The following RAPGEF1 variants were observed in gnomAD, a reference collection of about 807,000 sequenced individuals.
RAPGEF1 encodes the protein CRK SH3-binding GNRP.
In RAPGEF1, 33 loss-of-function variants were observed where a neutral mutation model predicts 143.3. That is an observed-to-expected ratio of 0.23 (90% CI 0.17 to 0.31). The LOEUF is 0.31. RAPGEF1 is among the 10% of genes least tolerant of loss of function. RAPGEF1 has a pLI of 1.00. For synonymous variants in RAPGEF1, 629 were observed against 676.5 expected, an observed-to-expected ratio of 0.93 and a Z score of 1.09; for missense variants, 1,199 against 1,645.4, an observed-to-expected ratio of 0.73 and a Z score of 4.69.
Position 131,703,710 on chromosome 9 carries a change from T to C in RAPGEF1, c.61+36060A>G, listed in dbSNP as rs945288150. 3.9e-5 allele frequency among the ~76,000 whole-genome samples: 6 copies of C among 152,340 alleles called. No homozygotes were observed. In the East Asian group the frequency reaches 1.2e-3, roughly 29 times the overall value. ...CCATAAAAAGCACTCCTATGATCCC[T>C]CAGCTCAGCCAAACCGATGCTGTCT... On this transcript the variant is annotated intron_variant, in intron 1 of 26. Transcript: ENST00000683357.
Position 131,678,461 on chromosome 9 carries a change from T to C in RAPGEF1, c.62-27512A>G, listed in dbSNP as rs142139068. ...TTCACTCTACAAAAAATCAATAGTC[T>C]GATAACTTTATATCAATACACATTT... On this transcript the variant is annotated intron_variant, in intron 1 of 26. Transcript: ENST00000683357. Among the ~76,000 whole-genome samples, 13 of 152,378 alleles carry C rather than the reference T, an allele frequency of 8.5e-5. No homozygotes were observed. The East Asian group carries it at 1.7e-3, about 20-fold the overall frequency.
At chr9:131,630,808 C>T (rs1287982115) in intron 5 of RAPGEF1, among the ~76,000 whole-genome samples, 1 of 151,824 alleles carries the variant, frequency 6.6e-6, no homozygotes, top group Non-Finnish European at 1.5e-5. Flanking sequence ...GGATCCTTGT[C>T]AATGGAGAGG....
intron 1 of RAPGEF1, among the ~76,000 whole-genome samples, chr9:131,715,799 A>G (rs1016163153): frequency 7.1e-6 from 1 of 140,010 alleles, no homozygotes; most frequent in Non-Finnish European, 1.5e-5. Context: ...CGGGAGGTGG[A>G]GGTTGCAGTG....
chr9:131,697,056 G>C (rs1419529027), intron 1 of RAPGEF1, among the ~76,000 whole-genome samples: 1 of 152,126 alleles, frequency 6.6e-6, no homozygotes. Context: ...TAAGTAGCGG[G>C]GCTATTTTCT....
Position 131,646,759 on chromosome 9 carries a change from A to G in RAPGEF1, c.316-3342T>C, listed in dbSNP as rs183958102. 4.6e-5 allele frequency among the ~76,000 whole-genome samples: 7 copies of G among 152,324 alleles called. No homozygotes were observed. In the East Asian group the frequency reaches 1.3e-3, roughly 29 times the overall value. On this transcript the variant is annotated intron_variant, in intron 3 of 26. Transcript: ENST00000683357. ...GGGAGTGAGGGGGAGGGCAAGTCACAATCAGTATAATAAAAAACTAGAATT... is the reference window on the plus strand; with the variant it reads ...GGGAGTGAGGGGGAGGGCAAGTCACGATCAGTATAATAAAAAACTAGAATT...
rs780964452 is a variant in RAPGEF1, at chr9:131,626,333, A to G, written c.1291T>C (p.Leu431=). The G allele has an allele frequency of 1.2e-6, 2 of 1,614,030 alleles. No individual in the cohort carries two copies. Among genetic ancestry groups the G allele is most frequent in the Middle Eastern group, 1.6e-4 (1 of 6,062 alleles). The part of the protein sequence containing the change: ...PQQTAWNLSP[L]PESLGESGSP... ...CCAGACTCCCCCAAAGACTCTGGCAACGGGCTAAGGTTCCAGGCCGTCTGC... is the reference window on the plus strand; with the variant it reads ...CCAGACTCCCCCAAAGACTCTGGCAGCGGGCTAAGGTTCCAGGCCGTCTGC... The change falls in exon 10 of 27, where the codon TTG becomes CTG. Residue 431 remains leucine (L), a synonymous_variant. Coordinates refer to ENST00000683357, the MANE Select transcript of RAPGEF1 (RefSeq NM_001377935.1).
intron 1 of RAPGEF1, among the ~76,000 whole-genome samples, chr9:131,739,555 C>G (rs1837621651): frequency 6.6e-6 from 1 of 150,684 alleles, no homozygotes; most frequent in East Asian, 2.0e-4. Flanking sequence ...CGGCCCGGCC[C>G]CTGGCGCCCC....
chr9:131,588,115 G>C, intron 20 of RAPGEF1, 89 bp from the exon 21 acceptor site: 1 of 1,135,562 alleles, frequency 8.8e-7, no homozygotes, highest in Non-Finnish European at 1.3e-6. Flanking sequence ...CGTCAGAGCA[G>C]GAGAGCCTCT....
chr9:131,625,564 C>G (rs1962751737), intron 10 of RAPGEF1, among the ~76,000 whole-genome samples: 1 of 152,178 alleles, frequency 6.6e-6, no homozygotes, highest in South Asian at 2.1e-4. Context: ...CCACCTCGCT[C>G]TACACAGATG....
At chr9:131,658,611 C>G (rs1160398495) in intron 1 of RAPGEF1, among the ~76,000 whole-genome samples, 1 of 152,168 alleles carries the variant, frequency 6.6e-6, no homozygotes, top group Non-Finnish European at 1.5e-5. Context: ...GGGCAACCAT[C>G]GCAGGCTACA....
intron 1 of RAPGEF1, among the ~76,000 whole-genome samples, chr9:131,718,334 C>T (rs938828456): frequency 2.0e-5 from 3 of 152,186 alleles, no homozygotes; most frequent in Admixed American, 1.3e-4. Flanking sequence ...TCGAGGACCT[C>T]GGATCGCTTC....
chr9:131,724,106 C>T (rs543444653), intron 1 of RAPGEF1, among the ~76,000 whole-genome samples: 2 of 152,084 alleles, frequency 1.3e-5, no homozygotes, highest in Admixed American at 6.5e-5. Context: ...ATACTACTGC[C>T]GAGAGAAGAC....
At chr9:131,729,817 C>T (rs1330775196) in intron 1 of RAPGEF1, among the ~76,000 whole-genome samples, 10 of 152,166 alleles carry the variant, frequency 6.6e-5, no homozygotes, top group Non-Finnish European at 1.2e-4. Context: ...CTCCTAGCAT[C>T]GTTCCCGGCA....
At chr9:131,600,331 T>C (rs10114974) in intron 15 of RAPGEF1, among the ~76,000 whole-genome samples, 13,097 of 152,246 alleles carry the variant, frequency 0.086, 770 homozygotes, top group East Asian at 0.25. Flanking sequence ...AGACGATACT[T>C]TGGGGTCCAG....
intron 1 of RAPGEF1, among the ~76,000 whole-genome samples, chr9:131,732,884 T>G (rs192327089): frequency 6.6e-6 from 1 of 152,348 alleles, no homozygotes; most frequent in East Asian, 1.9e-4. Context: ...GCTAATCATC[T>G]GTTTAACATT....
chr9:131,607,433 G>A (rs1184872073), intron 12 of RAPGEF1, among the ~76,000 whole-genome samples: 6 of 152,178 alleles, frequency 3.9e-5, no homozygotes, highest in African/African-American at 1.4e-4. Context: ...TCCTGGGATG[G>A]CAGTGGGGTG....
intron 18 of RAPGEF1, among the ~76,000 whole-genome samples, chr9:131,591,322 C>T (rs891921784): frequency 6.6e-6 from 1 of 152,172 alleles, no homozygotes; most frequent in Non-Finnish European, 1.5e-5. Context: ...TCAGGACTTC[C>T]TACCCCAGGT....
In RAPGEF1 at chr9:131,604,988, CTCCTG is replaced by C; in HGVS notation, c.2257_2261del (p.Gln753GlufsTer18). The C allele has an allele frequency of 7.5e-7, 1 of 1,341,592 alleles. No individual in the cohort carries two copies. Among genetic ancestry groups the C allele is most frequent in the South Asian group, 1.2e-5 (1 of 84,194 alleles). 83.1% of individuals were successfully genotyped at this position (1,341,592 alleles called of 1,614,324 possible). A position where few individuals can be genotyped will look rare whatever the true frequency, so the allele number is the denominator to read the frequency against. ...AGACAGTATTCCCATGAAAGCTGCT[CTCCTG>C]AGAAGCCGAGAGAGGCCCGTCCACG... On this transcript the variant is annotated frameshift_variant, in exon 13 of 27. Coordinates refer to ENST00000683357, the MANE Select transcript of RAPGEF1 (RefSeq NM_001377935.1). LOFTEE classifies it high-confidence loss of function.
intron 1 of RAPGEF1, among the ~76,000 whole-genome samples, chr9:131,715,383 A>C (rs140992595): frequency 7.2e-5 from 11 of 152,220 alleles, no homozygotes; most frequent in Non-Finnish European, 1.3e-4. Flanking sequence ...AGTGTGTATG[A>C]AAGACCTGTG....
Sources: allele counts gnomAD v4.1 joint callset (sites outside exome capture counted in the v4.1 genomes callset), GRCh38; gene constraint gnomAD v4.1.1; transcripts MANE v1.5; gene names NCBI Gene and HGNC (gene_info 2026-07-23, HGNC 2026-07-21).